The following DPPA2 variants were observed in gnomAD, a reference collection of about 807,000 sequenced individuals.
DPPA2 encodes developmental pluripotency-associated protein 2.
DPPA2 carries 26 observed loss-of-function variants against 36.2 expected under a neutral mutation model. The ratio of observed to expected loss-of-function variants is 0.72; its 90% CI spans 0.53 to 1.00. The LOEUF (loss-of-function observed/expected upper bound fraction) is 1.00. DPPA2 is among the 50% of genes least tolerant of loss of function. DPPA2 has a pLI of 0.00. For missense variants in DPPA2, 361 were observed against 365.1 expected (o/e 0.99, Z 0.09); for synonymous variants, 113 against 123.2 (o/e 0.92, Z 0.55).
chr3:109,294,997 GACA>G (rs1433532059), intron 8 of DPPA2, among the ~76,000 whole-genome samples: 2 of 152,152 alleles, frequency 1.3e-5, no homozygotes, highest in East Asian at 1.9e-4. Flanking sequence ...CTCCAGCCTG[GACA>G]ACAAGAGCGA....
At chr3:109,315,835 C>G (rs779897173) in intron 1 of DPPA2, among the ~76,000 whole-genome samples, 1 of 151,900 alleles carries the variant, frequency 6.6e-6, no homozygotes, top group Non-Finnish European at 1.5e-5. Flanking sequence ...TCGAGACCAG[C>G]CTGGGCAATA....
At chr3:109,313,008 A>G (rs1707736398) in intron 2 of DPPA2, among the ~76,000 whole-genome samples, 2 of 152,172 alleles carry the variant, frequency 1.3e-5, no homozygotes, top group Non-Finnish European at 2.9e-5. Flanking sequence ...ACTTTCATTA[A>G]GTCTCCTAAA....
chr3:109,307,938 C>T, intron 6 of DPPA2, 94 bp downstream of exon 6: 2 of 1,440,870 alleles, frequency 1.4e-6, no homozygotes, highest in East Asian at 4.8e-5. Flanking sequence ...GATATTTTAG[C>T]AAATGCCTTC....
chr3:109,299,098 G>A (rs1707410394), intron 8 of DPPA2, among the ~76,000 whole-genome samples: 1 of 151,740 alleles, frequency 6.6e-6, no homozygotes, highest in Non-Finnish European at 1.5e-5. Flanking sequence ...GGTGGCTCAC[G>A]CCTGTAATCC....
chr3:109,310,775 A>T (rs1707694804), intron 3 of DPPA2, among the ~76,000 whole-genome samples: 1 of 151,416 alleles, frequency 6.6e-6, no homozygotes, highest in African/African-American at 2.4e-5. Context: ...AAGTGCTGGG[A>T]TTACAGGCAT....
At chr3:109,306,866 G>C (rs1707575854) in intron 6 of DPPA2, among the ~76,000 whole-genome samples, 1 of 151,640 alleles carries the variant, frequency 6.6e-6, no homozygotes, top group Non-Finnish European at 1.5e-5. Context: ...CCAGCTACTC[G>C]GGAGGCTGAG....
At chr3:109,311,237 G>C (rs1707704134) in intron 3 of DPPA2, among the ~76,000 whole-genome samples, 1 of 152,002 alleles carries the variant, frequency 6.6e-6, no homozygotes, top group South Asian at 2.1e-4. Flanking sequence ...CTAGATTTTG[G>C]ACCACAAAAT....
At chr3:109,302,704 G>T (rs1028162739) in intron 7 of DPPA2, among the ~76,000 whole-genome samples, 2 of 149,590 alleles carry the variant, frequency 1.3e-5, no homozygotes, top group South Asian at 4.2e-4. Flanking sequence ...CGCCCGCCTC[G>T]GTCTCCCAAA....
intron 3 of DPPA2, among the ~76,000 whole-genome samples, chr3:109,310,407 CAAA>C (rs147915128): frequency 0.34 from 21,118 of 62,226 alleles, 1,268 homozygotes; most frequent in Non-Finnish European, 0.36. Context: ...GACTCTGTCT[CAAA>C]AAAAAAAAAA....
chr3:109,313,391 C>T (rs1272270193), intron 2 of DPPA2, among the ~76,000 whole-genome samples: 1 of 152,094 alleles, frequency 6.6e-6, no homozygotes, highest in African/African-American at 2.4e-5. Flanking sequence ...GTTGCTTTCA[C>T]AGAAACACAG....
At chr3:109,305,668 G>C (rs1469761678) in intron 6 of DPPA2, among the ~76,000 whole-genome samples, 1 of 151,926 alleles carries the variant, frequency 6.6e-6, no homozygotes, top group African/African-American at 2.4e-5. Context: ...CAGCTACTCA[G>C]GAGGCTGAGG....
chr3:109,308,957 G>A, intron 5 of DPPA2, 69 bp downstream of exon 5: 2 of 1,567,244 alleles, frequency 1.3e-6, no homozygotes, highest in South Asian at 2.2e-5. Flanking sequence ...TAGATATGGT[G>A]CGACGGTAGG....
chr3:109,299,295 A>G (rs1707415241), intron 8 of DPPA2, among the ~76,000 whole-genome samples: 1 of 152,034 alleles, frequency 6.6e-6, no homozygotes, highest in African/African-American at 2.4e-5. Context: ...GGTGGATCCC[A>G]AGATTAGGAG....
chr3:109,295,065 C>G (rs1044484266), intron 8 of DPPA2, among the ~76,000 whole-genome samples: 1 of 152,056 alleles, frequency 6.6e-6, no homozygotes, highest in Non-Finnish European at 1.5e-5. Flanking sequence ...GTTTTTGATA[C>G]AAATGTCAGG....
intron 8 of DPPA2, among the ~76,000 whole-genome samples, chr3:109,295,805 A>C (rs572336835): frequency 6.6e-6 from 1 of 152,214 alleles, no homozygotes; most frequent in African/African-American, 2.4e-5. Context: ...TCTAACAGAA[A>C]AAGTGGACAA....
At chr3:109,300,542 C>A in intron 7 of DPPA2, 107 bp from the exon 8 acceptor site, 1 of 1,135,304 alleles carries the variant, frequency 8.8e-7, no homozygotes, top group Non-Finnish European at 1.3e-6. Flanking sequence ...CACTTCTGGG[C>A]CGGGTGTGGT....
intron 3 of DPPA2, among the ~76,000 whole-genome samples, chr3:109,311,327 C>T (rs1707706618): frequency 6.6e-6 from 1 of 152,200 alleles, no homozygotes; most frequent in Admixed American, 6.5e-5. Context: ...ATTCTGTCAG[C>T]CTGAATCATT....
intron 6 of DPPA2, among the ~76,000 whole-genome samples, chr3:109,307,180 GCTGGTCTCTAACTCAGGAGCT>G (rs1707585222): frequency 6.6e-6 from 1 of 151,830 alleles, no homozygotes. Flanking sequence ...TGTTACCCAG[GCTGGTCTCTAACTCAGGAGCT>G]CTAGCAATCC....
chr3:109,309,995 G>C (rs567122502), intron 3 of DPPA2, among the ~76,000 whole-genome samples: 3 of 151,858 alleles, frequency 2.0e-5, no homozygotes, highest in African/African-American at 7.3e-5. Context: ...TTGGGAGGCC[G>C]AGGTGGGTGG....
Sources: allele counts gnomAD v4.1 joint callset (sites outside exome capture counted in the v4.1 genomes callset), GRCh38; gene constraint gnomAD v4.1.1; transcripts MANE v1.5; gene names NCBI Gene and HGNC (gene_info 2026-07-23, HGNC 2026-07-21).